XYLT1: variants seen among roughly 807,000 people sequenced by gnomAD.
XYLT1 encodes the protein beta-D-xylosyltransferase 1.
XYLT1 carries 36 observed loss-of-function variants against 91.3 expected under a neutral mutation model. The observed-to-expected ratio is 0.39, with a 90% CI of 0.30 to 0.52. The LOEUF is 0.52. Ranked by LOEUF, XYLT1 falls within the 20% of genes least tolerant of loss-of-function variation. The pLI is 0.68. For missense variants in XYLT1, 1,242 were observed against 1,284.5 expected (o/e 0.97, Z 0.51); for synonymous variants, 588 against 532.0 (o/e 1.11, Z -1.45).
intron 1 of XYLT1, among the ~76,000 whole-genome samples, chr16:17,403,981 T>A (rs1052235022): frequency 3.3e-5 from 5 of 152,118 alleles, no homozygotes; most frequent in Non-Finnish European, 7.4e-5. Flanking sequence ...ACAACGAGAT[T>A]CTCTCTGTGC....
At chr16:17,170,007 T>G (rs1002127000) in intron 5 of XYLT1, among the ~76,000 whole-genome samples, 5 of 152,196 alleles carry the variant, frequency 3.3e-5, no homozygotes, top group African/African-American at 1.2e-4. Context: ...TCCTTGCCAC[T>G]TTCTTGCCGT....
intron 2 of XYLT1, among the ~76,000 whole-genome samples, chr16:17,298,134 T>A (rs1364518167): frequency 6.6e-6 from 1 of 152,122 alleles, no homozygotes; most frequent in African/African-American, 2.4e-5. Flanking sequence ...TTGCCAAAAT[T>A]TTTGTCTCCA....
chr16:17,145,883 C>T lies in XYLT1; in HGVS notation c.1371-4514G>A, dbSNP rs958795520. Among the ~76,000 whole-genome samples the T allele has an allele frequency of 7.9e-5, 12 of 152,334 alleles. No homozygotes were observed. The South Asian group carries it at 1.2e-3, about 16-fold the overall frequency. ...CTGTCTGCATTTCTGCAACAGACCT[C>T]GTTACTCTGTCTTCAGACTGGAGTT... On this transcript the variant is annotated intron_variant, in intron 6 of 11. Coordinates refer to ENST00000261381, the MANE Select transcript of XYLT1 (RefSeq NM_022166.4).
At position 17,150,254 on chromosome 16, in the gene XYLT1, G is replaced by A. The variant is rs1013273098; in HGVS notation, c.1370+8575C>T. On this transcript the variant is annotated intron_variant, in intron 6 of 11. Transcript: ENST00000261381. ...TGCTAGCCATTTCTCTCAGGCCCACGGTAGGCTGTGCCCCTTCTGGGCCTG... is the reference window on the plus strand; with the variant it reads ...TGCTAGCCATTTCTCTCAGGCCCACAGTAGGCTGTGCCCCTTCTGGGCCTG... 3.3e-5 allele frequency among the ~76,000 whole-genome samples: 5 copies of A among 152,130 alleles called. No individual in the cohort carries two copies. In the South Asian group the frequency reaches 6.2e-4, roughly 19 times the overall value.
chr16:17,401,016 CT>C (rs1475658302), intron 1 of XYLT1, among the ~76,000 whole-genome samples: 8 of 148,174 alleles, frequency 5.4e-5, no homozygotes, highest in African/African-American at 2.1e-4. Context: ...ACACACACAC[CT>C]GTCTACAATC....
chr16:17,411,637 T>C (rs892942484), intron 1 of XYLT1, among the ~76,000 whole-genome samples: 2 of 152,156 alleles, frequency 1.3e-5, no homozygotes, highest in African/African-American at 4.8e-5. Context: ...CCTCTGAGTT[T>C]GGGGGTCACT....
intron 1 of XYLT1, among the ~76,000 whole-genome samples, chr16:17,416,075 G>C (rs1233051559): frequency 2.6e-5 from 4 of 152,182 alleles, no homozygotes; most frequent in Non-Finnish European, 2.9e-5. Context: ...CGGCCCTCCC[G>C]ACAATTTGGG....
intron 1 of XYLT1, among the ~76,000 whole-genome samples, chr16:17,432,868 C>T (rs2036408337): frequency 6.6e-6 from 1 of 151,964 alleles, no homozygotes; most frequent in East Asian, 1.9e-4. Context: ...CATCAATTGT[C>T]TTGTCAAAAG....
At chr16:17,310,157 T>C (rs1221956788) in intron 2 of XYLT1, among the ~76,000 whole-genome samples, 1 of 152,230 alleles carries the variant, frequency 6.6e-6, no homozygotes, top group African/African-American at 2.4e-5. Flanking sequence ...CAGTCTCCCT[T>C]GGGTTCATTC....
intron 1 of XYLT1, among the ~76,000 whole-genome samples, chr16:17,395,442 C>A (rs906003987): frequency 6.6e-6 from 1 of 152,146 alleles, no homozygotes; most frequent in Non-Finnish European, 1.5e-5. Flanking sequence ...CCTAAGAATT[C>A]AAGGCTGCAG....
intron 1 of XYLT1, among the ~76,000 whole-genome samples, chr16:17,376,456 A>G (rs983003652): frequency 1.3e-5 from 2 of 152,166 alleles, no homozygotes; most frequent in Non-Finnish European, 2.9e-5. Context: ...GCTCAAGAGG[A>G]TGGGTGATGT....
rs1966734627 is a variant in XYLT1 at position 17,103,502 on chromosome 16, C to G, written c.*5193G>C. ...TGCCACAGAAGCTTCACGATGCTGT[C>G]TTCTCTGATGTTGGTGGAGATGGGA... On this transcript the variant is annotated 3_prime_UTR_variant, in exon 12 of 12. Transcript: ENST00000261381. The G allele has an allele frequency of 6.6e-6, 1 of 152,202 alleles. No individual in the cohort carries two copies. The highest frequency in any genetic ancestry group is 1.5e-5 in the Non-Finnish European group (1 of 68,054). The allele number at this position is 152,202 out of a possible 1,614,324, so 9.4% of individuals were successfully genotyped here. A position where few individuals can be genotyped will look rare whatever the true frequency, so the allele number is the denominator to read the frequency against.
intron 5 of XYLT1, among the ~76,000 whole-genome samples, chr16:17,178,595 T>C (rs1377375622): frequency 1.3e-5 from 2 of 152,150 alleles, no homozygotes; most frequent in Non-Finnish European, 2.9e-5. Context: ...GGCAGAATGA[T>C]CAAGTGCAAA....
intron 1 of XYLT1, among the ~76,000 whole-genome samples, chr16:17,417,586 G>A (rs924086845): frequency 6.6e-6 from 1 of 152,110 alleles, no homozygotes; most frequent in Non-Finnish European, 1.5e-5. Context: ...TTCTGCATCA[G>A]GACTCTTCAA....
intron 1 of XYLT1, among the ~76,000 whole-genome samples, chr16:17,441,593 G>A (rs1399235622): frequency 6.6e-6 from 1 of 152,102 alleles, no homozygotes; most frequent in East Asian, 1.9e-4. Flanking sequence ...CAAGGGAATT[G>A]GGACTTTGGA....
At chr16:17,348,031 T>C (rs1331876842) in intron 2 of XYLT1, among the ~76,000 whole-genome samples, 3 of 152,006 alleles carry the variant, frequency 2.0e-5, no homozygotes, top group African/African-American at 7.2e-5. Flanking sequence ...CCCACCTTCC[T>C]ATCTCCTACC....
At chr16:17,277,716 G>A (rs1428610436) in intron 2 of XYLT1, among the ~76,000 whole-genome samples, 2 of 152,088 alleles carry the variant, frequency 1.3e-5, no homozygotes, top group African/African-American at 4.8e-5. Context: ...ATGTTCACGT[G>A]TACTCAATGT....
At chr16:17,166,853 C>A (rs1292555352) in intron 5 of XYLT1, among the ~76,000 whole-genome samples, 1 of 152,078 alleles carries the variant, frequency 6.6e-6, no homozygotes. Flanking sequence ...CCATTCCATA[C>A]CCTCTGCCAG....
At chr16:17,190,206 G>C (rs2032277193) in intron 5 of XYLT1, among the ~76,000 whole-genome samples, 1 of 152,166 alleles carries the variant, frequency 6.6e-6, no homozygotes, top group African/African-American at 2.4e-5. Flanking sequence ...TAGGATTAGA[G>C]AGCGTACGGT....
Sources: allele counts gnomAD v4.1 joint callset (sites outside exome capture counted in the v4.1 genomes callset), GRCh38; gene constraint gnomAD v4.1.1; transcripts MANE v1.5; gene names NCBI Gene and HGNC (gene_info 2026-07-23, HGNC 2026-07-21).